Variants in ANK3 observed in about 807,000 individuals in gnomAD.
ANK3 encodes the protein ankyrin-3.
A neutral mutation model predicts 370.9 loss-of-function variants in ANK3; 57 were observed. That is an observed-to-expected ratio of 0.15 (90% CI 0.12 to 0.19). The LOEUF is 0.19. Among genes scored for constraint, ANK3 ranks in the 10% least tolerant of loss-of-function variants. ANK3 has a pLI of 1.00. For missense variants in ANK3, 4,439 were observed against 5,302.1 expected (o/e 0.84, Z 5.06); for synonymous variants, 1,929 against 1,946.3 (o/e 0.99, Z 0.23).
At chr10:60,269,657 C>G (rs932358939) in intron 5 of ANK3, among the ~76,000 whole-genome samples, 25 of 141,814 alleles carry the variant, frequency 1.8e-4, no homozygotes, top group African/African-American at 6.4e-4. Context: ...CTCCCCCCCC[C>G]CAAAAAAAGT....
In ANK3 at chr10:60,220,260, A is replaced by G. The variant is rs556190797; in HGVS notation, c.898-6750T>C. 2.6e-5 allele frequency among the ~76,000 whole-genome samples: 4 copies of G among 152,316 alleles called. No individual in the cohort carries two copies. The South Asian group carries it at 8.3e-4, about 32-fold the overall frequency. ...TTCTCTTCTGCAGATTCTAAGTAAAAAATGACAAAATATGCATAGAGATGT... is the reference window on the plus strand; with the variant it reads ...TTCTCTTCTGCAGATTCTAAGTAAAGAATGACAAAATATGCATAGAGATGT... On this transcript the variant is annotated intron_variant, in intron 8 of 43. Coordinates refer to ENST00000280772, the MANE Select transcript of ANK3 (RefSeq NM_020987.5).
intron 2 of ANK3, among the ~76,000 whole-genome samples, chr10:60,557,083 T>C (rs2077224039): frequency 6.6e-6 from 1 of 152,188 alleles, no homozygotes; most frequent in Admixed American, 6.5e-5. Context: ...ACAAATCTGG[T>C]CACTGGTGCC....
chr10:60,480,989 C>A (rs1403216943), intron 2 of ANK3, among the ~76,000 whole-genome samples: 1 of 152,186 alleles, frequency 6.6e-6, no homozygotes, highest in Non-Finnish European at 1.5e-5. Context: ...AGTGCACACA[C>A]CGACAGATGA....
chr10:60,415,923 A>ACCCCCCCCCCCCCC (rs60397919), intron 2 of ANK3, among the ~76,000 whole-genome samples: 1 of 62,660 alleles, frequency 1.6e-5, no homozygotes, highest in African/African-American at 6.7e-5. Flanking sequence ...TGTGCCCCCC[A>ACCCCCCCCCCCCCC]CCCCCCCGCC....
intron 1 of ANK3, among the ~76,000 whole-genome samples, chr10:60,285,209 T>A (rs2098226314): frequency 6.6e-6 from 1 of 152,146 alleles, no homozygotes; most frequent in Non-Finnish European, 1.5e-5. Flanking sequence ...TAAAATAACC[T>A]ACTGTTAGGA....
intron 2 of ANK3, among the ~76,000 whole-genome samples, chr10:60,448,479 A>G (rs909649758): frequency 6.6e-6 from 1 of 152,194 alleles, no homozygotes; most frequent in African/African-American, 2.4e-5. Context: ...GATGCATTTT[A>G]CTGACATTTA....
At chr10:60,510,820 G>GAAAT (rs1159271099) in intron 2 of ANK3, among the ~76,000 whole-genome samples, 7 of 151,940 alleles carry the variant, frequency 4.6e-5, no homozygotes, top group Admixed American at 1.3e-4. Context: ...ACTCTGTCTT[G>GAAAT]AAATAAATAA....
chr10:60,533,916 T>C (rs2076663078), intron 2 of ANK3, among the ~76,000 whole-genome samples: 1 of 152,252 alleles, frequency 6.6e-6, no homozygotes, highest in Non-Finnish European at 1.5e-5. Flanking sequence ...AAATATTTAA[T>C]AAAAAATTAA....
chr10:60,337,949 T>A (rs377499462), intron 1 of ANK3, among the ~76,000 whole-genome samples: 4 of 152,338 alleles, frequency 2.6e-5, no homozygotes, highest in South Asian at 4.1e-4. Flanking sequence ...ATTTTCCATA[T>A]GACATTTCAT....
intron 24 of ANK3, among the ~76,000 whole-genome samples, chr10:60,136,647 C>T (rs1479675993): frequency 1.3e-5 from 2 of 152,224 alleles, no homozygotes; most frequent in East Asian, 3.9e-4. Context: ...TCTATGAGTG[C>T]CAACTGCAGA....
At chr10:60,250,077 G>A (rs970577318) in intron 7 of ANK3, among the ~76,000 whole-genome samples, 43 of 152,164 alleles carry the variant, frequency 2.8e-4, no homozygotes, top group Non-Finnish European at 5.6e-4. Flanking sequence ...ATATTAAGGG[G>A]TTATCAACAC....
intron 2 of ANK3, among the ~76,000 whole-genome samples, chr10:60,549,140 T>TACACACACACAC (rs3047236): frequency 4.1e-5 from 6 of 145,540 alleles, no homozygotes; most frequent in African/African-American, 1.0e-4. Flanking sequence ...GCATGTTTCA[T>TACACACACACAC]ACACACACAC....
At chr10:60,580,892 C>G (rs1430154158) in intron 2 of ANK3, among the ~76,000 whole-genome samples, 9 of 152,174 alleles carry the variant, frequency 5.9e-5, no homozygotes, top group Non-Finnish European at 1.2e-4. Flanking sequence ...CTTTCTCTAC[C>G]TATAAGGGAG....
intron 2 of ANK3, among the ~76,000 whole-genome samples, chr10:60,484,036 T>C (rs1245312193): frequency 1.3e-5 from 2 of 152,228 alleles, no homozygotes; most frequent in Non-Finnish European, 2.9e-5. Context: ...TTTCTGGAGA[T>C]ACCATTTCCC....
chr10:60,313,441 G>T (rs556357025), intron 1 of ANK3, among the ~76,000 whole-genome samples: 1 of 152,268 alleles, frequency 6.6e-6, no homozygotes, highest in East Asian at 1.9e-4. Context: ...CTGACTTCAT[G>T]ATATCATTAG....
intron 2 of ANK3, among the ~76,000 whole-genome samples, chr10:60,446,200 A>G (rs1814625988): frequency 6.6e-6 from 1 of 152,214 alleles, no homozygotes; most frequent in Non-Finnish European, 1.5e-5. Context: ...TATATTTTAA[A>G]GAGCAATTTT....
chr10:60,069,937 T>C lies in ANK3; in HGVS notation c.10944A>G (p.Glu3648=). Residue 3648 remains glutamate, a synonymous_variant, in exon 37 of 44, where the codon GAA becomes GAG. Coordinates refer to ENST00000280772, the MANE Select transcript of ANK3 (RefSeq NM_020987.5). ...TSEGKSGDQG[E]GDKSMVTATP... The stretch of plus-strand genomic sequence containing the variant: ...TGGCAGTGACCATACTTTTATCCCC[T>C]TCCCCCTGGTCCCCTGACTTCCCTT... 6.2e-7 allele frequency: 1 copy of C among 1,614,102 alleles called. No homozygotes were observed. Among genetic ancestry groups the C allele is most frequent in the Non-Finnish European group, 8.5e-7 (1 of 1,180,002 alleles).
At chr10:60,267,935 G>A (rs972268327) in intron 5 of ANK3, among the ~76,000 whole-genome samples, 6 of 152,148 alleles carry the variant, frequency 3.9e-5, no homozygotes, top group African/African-American at 1.2e-4. Context: ...TGTGTGTATC[G>A]TAGTGTGCTT....
At chr10:60,203,728 T>C (rs1440554321) in intron 11 of ANK3, among the ~76,000 whole-genome samples, 3 of 152,226 alleles carry the variant, frequency 2.0e-5, no homozygotes, top group African/African-American at 7.2e-5. Context: ...TCAGATCCTA[T>C]GCACACATAC....
Sources: allele counts gnomAD v4.1 joint callset (sites outside exome capture counted in the v4.1 genomes callset), GRCh38; gene constraint gnomAD v4.1.1; transcripts MANE v1.5; gene names NCBI Gene and HGNC (gene_info 2026-07-23, HGNC 2026-07-21).